The following MDGA2 variants were observed in gnomAD, a reference collection of about 807,000 sequenced individuals.
The protein encoded by MDGA2 is MAM domain containing glycosylphosphatidylinositol anchor 2, also known as MAM domain-containing glycosylphosphatidylinositol anchor protein 2.
MDGA2 carries 40 observed loss-of-function variants against 117.8 expected under a neutral mutation model. The ratio of observed to expected loss-of-function variants is 0.34; its 90% CI spans 0.26 to 0.44. The LOEUF is 0.44. Among genes scored for constraint, MDGA2 ranks in the 20% least tolerant of loss-of-function variants. MDGA2 has a pLI of 1.00. For synonymous variants in MDGA2, 452 were observed against 439.0 expected (o/e 1.03, Z -0.37); for missense variants, 1,123 against 1,250.6 (o/e 0.90, Z 1.54).
intron 1 of MDGA2, among the ~76,000 whole-genome samples, chr14:47,333,132 T>C (rs964397017): frequency 6.6e-6 from 1 of 151,902 alleles, no homozygotes; most frequent in Non-Finnish European, 1.5e-5. Flanking sequence ...CTTTTTGATA[T>C]AATGATTTCC....
intron 3 of MDGA2, among the ~76,000 whole-genome samples, chr14:47,199,473 A>G (rs762483050): frequency 2.0e-5 from 3 of 152,294 alleles, no homozygotes; most frequent in Non-Finnish European, 4.4e-5. Flanking sequence ...CTTCAAAACC[A>G]TAAACTTTTA....
intron 8 of MDGA2, among the ~76,000 whole-genome samples, chr14:46,992,594 T>G (rs1260921262): frequency 6.6e-6 from 1 of 152,132 alleles, no homozygotes; most frequent in Non-Finnish European, 1.5e-5. Flanking sequence ...TGACTTTTAT[T>G]TGTATAATGT....
intron 3 of MDGA2, among the ~76,000 whole-genome samples, chr14:47,204,384 C>G (rs144809070): frequency 6.6e-5 from 10 of 151,990 alleles, no homozygotes; most frequent in Middle Eastern, 3.4e-3. Context: ...AAATAAAACA[C>G]AAATTCAATG....
At chr14:47,020,103 T>C (rs12432158) in intron 8 of MDGA2, among the ~76,000 whole-genome samples, 23,111 of 151,042 alleles carry the variant, frequency 0.15, 1,876 homozygotes, top group Admixed American at 0.23. Context: ...GCACAGACAT[T>C]TTGGGATCAA....
chr14:47,387,457 C>T (rs1891787896), intron 1 of MDGA2, among the ~76,000 whole-genome samples: 1 of 152,084 alleles, frequency 6.6e-6, no homozygotes, highest in Admixed American at 6.6e-5. Context: ...TTCTCTCTGT[C>T]CTCACTGTCT....
chr14:47,573,600 G>A (rs1223767154), intron 1 of MDGA2, among the ~76,000 whole-genome samples: 3 of 152,112 alleles, frequency 2.0e-5, no homozygotes, highest in East Asian at 1.9e-4. Flanking sequence ...TAATGTGCTC[G>A]GGTATTCTGT....
intron 1 of MDGA2, among the ~76,000 whole-genome samples, chr14:47,561,153 GT>G (rs778265539): frequency 0.26 from 16,862 of 63,886 alleles, 2,426 homozygotes; most frequent in Non-Finnish European, 0.3. Context: ...TTTTTTTTTT[GT>G]TTTGTTTTGT....
intron 1 of MDGA2, among the ~76,000 whole-genome samples, chr14:47,643,073 G>T (rs1897459637): frequency 6.6e-6 from 1 of 151,944 alleles, no homozygotes; most frequent in South Asian, 2.1e-4. Flanking sequence ...TTCGCTATTA[G>T]CATTACTGTT....
chr14:47,417,636 C>A (rs996093195), intron 1 of MDGA2, among the ~76,000 whole-genome samples: 8 of 152,096 alleles, frequency 5.3e-5, no homozygotes, highest in Non-Finnish European at 1.2e-4. Context: ...TCAGCCTCTA[C>A]CCTTTACCCA....
chr14:47,673,899 GCT>G (rs747658715), intron 1 of MDGA2, among the ~76,000 whole-genome samples: 6 of 151,858 alleles, frequency 4.0e-5, no homozygotes, highest in African/African-American at 7.3e-5. Flanking sequence ...TCATGCACTT[GCT>G]CATCCATTCA....
chr14:47,522,506 C>T (rs1894892035), intron 1 of MDGA2, among the ~76,000 whole-genome samples: 1 of 151,846 alleles, frequency 6.6e-6, no homozygotes, highest in African/African-American at 2.4e-5. Flanking sequence ...TACCATCTGA[C>T]CACAGAGAAT....
At chr14:47,049,984 C>T (rs922248560) in intron 7 of MDGA2, among the ~76,000 whole-genome samples, 1 of 151,976 alleles carries the variant, frequency 6.6e-6, no homozygotes, top group African/African-American at 2.4e-5. Flanking sequence ...CAGGACTTGC[C>T]AGGCTCCAAT....
intron 1 of MDGA2, among the ~76,000 whole-genome samples, chr14:47,324,991 G>A (rs768507941): frequency 2.6e-5 from 4 of 151,986 alleles, no homozygotes; most frequent in Non-Finnish European, 5.9e-5. Flanking sequence ...AAAAGTAGAA[G>A]AACGGTGCTA....
At chr14:46,889,324 G>A (rs189077039) in intron 10 of MDGA2, among the ~76,000 whole-genome samples, 166 of 152,024 alleles carry the variant, frequency 1.1e-3, no homozygotes, top group Admixed American at 1.9e-3. Context: ...ATCATACTTT[G>A]CTCGTGCTAT....
At chr14:46,853,358 G>A (rs1881137846) in intron 15 of MDGA2, among the ~76,000 whole-genome samples, 1 of 151,910 alleles carries the variant, frequency 6.6e-6, no homozygotes, top group South Asian at 2.1e-4. Context: ...CGAAGGAGAA[G>A]AGGAGAAAAA....
intron 6 of MDGA2, among the ~76,000 whole-genome samples, chr14:47,094,471 T>C (rs1465406648): frequency 6.6e-6 from 1 of 152,014 alleles, no homozygotes; most frequent in Non-Finnish European, 1.5e-5. Flanking sequence ...AAAGGGTGCA[T>C]AAGCAACACA....
At chr14:47,002,114 A>C (rs1439505279) in intron 8 of MDGA2, among the ~76,000 whole-genome samples, 1 of 152,126 alleles carries the variant, frequency 6.6e-6, no homozygotes, top group Admixed American at 6.6e-5. Flanking sequence ...ATGTAATGCA[A>C]ATATTAGACT....
At chr14:47,661,635 A>G (rs1897847725) in intron 1 of MDGA2, among the ~76,000 whole-genome samples, 1 of 152,198 alleles carries the variant, frequency 6.6e-6, no homozygotes, top group Non-Finnish European at 1.5e-5. Context: ...CTAAGCTTCA[A>G]ATATACACAT....
chr14:47,508,544 T>C (rs1894569197), intron 1 of MDGA2, among the ~76,000 whole-genome samples: 1 of 152,182 alleles, frequency 6.6e-6, no homozygotes, highest in African/African-American at 2.4e-5. Context: ...CATTGATTGT[T>C]TTTGGTGGTT....
Sources: gnomAD v4.1 joint callset for allele counts (sites outside exome capture counted in the v4.1 genomes callset) on GRCh38, gnomAD v4.1.1 for gene constraint, MANE v1.5 for transcripts, NCBI Gene and HGNC (gene_info 2026-07-23, HGNC 2026-07-21) for gene names.